The following IFT27 variants were observed in gnomAD, a reference collection of about 807,000 sequenced individuals.
The protein encoded by IFT27 is intraflagellar transport protein 27 homolog.
A neutral mutation model predicts 23.9 loss-of-function variants in IFT27; 19 were observed. That is an observed-to-expected ratio of 0.79 (90% CI 0.55 to 1.16). The LOEUF is 1.16. IFT27 is among the 50% of genes most tolerant of loss of function. IFT27 has a pLI of 0.00. For synonymous variants in IFT27, 91 were observed against 89.1 expected, an observed-to-expected ratio of 1.02 and a Z score of -0.12; for missense variants, 206 against 228.7, an observed-to-expected ratio of 0.90 and a Z score of 0.64.
rs544269644 is a variant in IFT27, at chr22:36,764,187, C to A, written c.235-151G>T. On this transcript the variant is annotated intron_variant, in intron 4 of 6. Transcript: ENST00000433985. Reference sequence around the variant, plus strand: ...CACACCCCCAGATGTCCAACAATTTCCCCAAAGGAATGAACGGAGGGCCAC... The same window carrying A: ...CACACCCCCAGATGTCCAACAATTTACCCAAAGGAATGAACGGAGGGCCAC... 4.5e-6 allele frequency: 3 copies of A among 669,648 alleles called. No individual in the cohort carries two copies. In the East Asian group the frequency reaches 7.5e-5, roughly 17 times the overall value. The allele number at this position is 669,648 out of a possible 1,614,324, so 41.5% of individuals were successfully genotyped here. A position where few individuals can be genotyped will look rare whatever the true frequency, so the allele number is the denominator to read the frequency against.
At chr22:36,765,825 C>T (rs1357427048) in intron 4 of IFT27, among the ~76,000 whole-genome samples, 1 of 152,178 alleles carries the variant, frequency 6.6e-6, no homozygotes, top group African/African-American at 2.4e-5. Flanking sequence ...TAGGGGACAC[C>T]ATCTGAAAGG....
intron 1 of IFT27, among the ~76,000 whole-genome samples, chr22:36,773,048 G>T (rs1428034220): frequency 6.6e-6 from 1 of 152,226 alleles, no homozygotes; most frequent in Non-Finnish European, 1.5e-5. Context: ...ACCCAAGGGA[G>T]TTGGGGGTAA....
chr22:36,762,830 T>C (rs572582154), intron 6 of IFT27, 74 bp downstream of exon 6: 8 of 852,806 alleles, frequency 9.4e-6, no homozygotes, highest in East Asian at 5.6e-5. Flanking sequence ...TCCCTGCACG[T>C]GAGGTCATGT....
rs372969536 is a variant in IFT27 at position 36,766,126 on chromosome 22, C to T, written c.234+12G>A. On this transcript the variant is annotated intron_variant, in intron 4 of 6. Coordinates refer to ENST00000433985, the MANE Select transcript of IFT27 (RefSeq NM_001177701.3). ...GTGGTGACAGTCAGGAAAAAGACCA[C>T]GTGCTACTTGCCAATTTATCCAGCA... The T allele has an allele frequency of 1.3e-4, 202 of 1,611,994 alleles. 2 individuals are homozygous for T. Among genetic ancestry groups the T allele is most frequent in the Non-Finnish European group, 1.5e-4 (178 of 1,178,132 alleles).
chr22:36,774,164 C>T (rs1287672968), intron 1 of IFT27, among the ~76,000 whole-genome samples: 1 of 152,194 alleles, frequency 6.6e-6, no homozygotes, highest in Non-Finnish European at 1.5e-5. Context: ...GGAGATTCTC[C>T]TGAGAACCAT....
At position 36,758,280 on chromosome 22, in the gene IFT27, C is replaced by T. The variant is rs375934694; in HGVS notation, c.*31G>A. The T allele has an allele frequency of 2.1e-5, 32 of 1,509,460 alleles. No homozygotes were observed. In the African/African-American group the frequency reaches 3.8e-4, roughly 18 times the overall value. The allele number at this position is 1,509,460 out of a possible 1,614,324, so 93.5% of individuals were successfully genotyped here. A position where few individuals can be genotyped will look rare whatever the true frequency, so the allele number is the denominator to read the frequency against. ...AAGAGCAGAGGTAATTCTGTCTTCTCCGGTTGTGCAGCACGATCTGCTCCA... is the reference window on the plus strand; with the variant it reads ...AAGAGCAGAGGTAATTCTGTCTTCTTCGGTTGTGCAGCACGATCTGCTCCA... On this transcript the variant is annotated 3_prime_UTR_variant, in exon 7 of 7. Transcript: ENST00000433985.
At position 36,775,781 on chromosome 22, in the gene IFT27, G is replaced by T; in HGVS notation, c.-74C>A. 6.7e-7 allele frequency: 1 copy of T among 1,500,584 alleles called. No homozygotes were observed. Among genetic ancestry groups the T allele is most frequent in the Non-Finnish European group, 9.3e-7 (1 of 1,077,054 alleles). 93.0% of individuals were successfully genotyped at this position (1,500,584 alleles called of 1,614,324 possible). ...TAGAGACGCGAGTGGGTGGGCTTCG[G>T]GCCCTGGGCTGGCCTGGGACGGGAA... On this transcript the variant is annotated 5_prime_UTR_variant, in exon 1 of 7. Coordinates refer to ENST00000433985, the MANE Select transcript of IFT27 (RefSeq NM_001177701.3).
rs1938492280 is a variant in IFT27, at chr22:36,775,955, G to A, written c.-248C>T. The stretch of plus-strand genomic sequence containing the variant: ...TCCAGGTGGGCCCGGCTCGAGGCCT[G>A]ACACGGCAGTCTGAAAAGGTGCAAG... On this transcript the variant is annotated 5_prime_UTR_variant, in exon 1 of 7. Coordinates refer to ENST00000433985, the MANE Select transcript of IFT27 (RefSeq NM_001177701.3). 3.4e-6 allele frequency: 2 copies of A among 592,030 alleles called. No individual in the cohort carries two copies. The highest frequency in any genetic ancestry group is 2.0e-5 in the South Asian group (1 of 50,478). The allele number at this position is 592,030 out of a possible 1,614,324, so 36.7% of individuals were successfully genotyped here.
chr22:36,768,304 C>T lies in IFT27; in HGVS notation c.35-442G>A. 6 of 349,150 alleles carry T rather than the reference C, an allele frequency of 1.7e-5. 1 individual carries two copies. Among genetic ancestry groups the T allele is most frequent in the South Asian group, 1.3e-4 (6 of 45,688 alleles). The allele number at this position is 349,150 out of a possible 1,614,324, so 21.6% of individuals were successfully genotyped here. Reference sequence around the variant, plus strand: ...TGACCCAACCTGGGTTGACAGCTTCCACCTGAATACTTTTTTGTGTGGGGC... The same window carrying T: ...TGACCCAACCTGGGTTGACAGCTTCTACCTGAATACTTTTTTGTGTGGGGC... On this transcript the variant is annotated intron_variant, in intron 1 of 6. Transcript: ENST00000433985.
intron 6 of IFT27, chr22:36,761,935 C>A (rs747289457): frequency 4.6e-5 from 7 of 152,252 alleles, no homozygotes; most frequent in Non-Finnish European, 8.8e-5. Context: ...ATTCTGAGGG[C>A]CACAGAATCA....
At chr22:36,766,863 C>T (rs1938262859) in intron 3 of IFT27, among the ~76,000 whole-genome samples, 1 of 152,146 alleles carries the variant, frequency 6.6e-6, no homozygotes, top group South Asian at 2.1e-4. Flanking sequence ...AACATCAGCA[C>T]CATTGTCTGT....
chr22:36,772,794 G>C, intron 1 of IFT27: 4 of 984,688 alleles, frequency 4.1e-6, no homozygotes, highest in Non-Finnish European at 4.8e-6. Context: ...AAAAAACAGA[G>C]TAACTCAGTT....
Position 36,763,994 on chromosome 22 carries a change from T to G in IFT27, c.277A>C (p.Asn93His), listed in dbSNP as rs1369695528. ...NVLCLVYDVT[N>H]EESFNNCSKW... The stretch of plus-strand genomic sequence containing the variant: ...CTGCAGTTGTTGAAGGATTCTTCAT[T>G]GGTCACATCATAGACGAGACATAAG... Residue 93 changes from asparagine to histidine, a missense_variant, in exon 5 of 7, where the codon AAT becomes CAT. Transcript: ENST00000433985. The G allele has an allele frequency of 6.2e-7, 1 of 1,614,230 alleles. No homozygotes were observed. The highest frequency in any genetic ancestry group is 8.5e-7 in the Non-Finnish European group (1 of 1,180,016).
chr22:36,775,625 C>T, intron 1 of IFT27, 49 bp downstream of exon 1: 1 of 1,602,294 alleles, frequency 6.2e-7, no homozygotes, highest in Non-Finnish European at 8.6e-7. Context: ...ATTATGAAGG[C>T]TCTGGACTCC....
intron 2 of IFT27, 73 bp from the exon 3 acceptor site, chr22:36,767,438 G>A (rs1250269203): frequency 1.7e-5 from 23 of 1,348,234 alleles, no homozygotes; most frequent in Non-Finnish European, 2.2e-5. Context: ...GGACACACAA[G>A]CACCCCGATC....
chr22:36,759,798 G>C (rs1938031926), intron 6 of IFT27: 1 of 152,228 alleles, frequency 6.6e-6, no homozygotes, highest in South Asian at 2.1e-4. Flanking sequence ...TGAGTAGTTT[G>C]GGGCCCAGCG....
In IFT27 at chr22:36,772,400, A is replaced by C. The variant is rs4821522; in HGVS notation, c.34+3274T>G. 4.1e-5 allele frequency: 26 copies of C among 637,262 alleles called. No individual in the cohort carries two copies. In the South Asian group the frequency reaches 1.6e-3, roughly 39 times the overall value. 39.5% of individuals were successfully genotyped at this position (637,262 alleles called of 1,614,324 possible). On this transcript the variant is annotated intron_variant, in intron 1 of 6. Coordinates refer to ENST00000433985, the MANE Select transcript of IFT27 (RefSeq NM_001177701.3). ...CTAAGATAATCATAGCACCTACCCC[A>C]CAGAATTGTTATGAGGATTTAATGA...
chr22:36,763,844 C>T, intron 5 of IFT27, 75 bp downstream of exon 5: 1 of 1,077,738 alleles, frequency 9.3e-7, no homozygotes, highest in Non-Finnish European at 1.4e-6. Flanking sequence ...CCACAGCTAC[C>T]TCTGCAATGC....
intron 5 of IFT27, 140 bp from the exon 6 acceptor site, chr22:36,763,153 A>G: frequency 3.8e-6 from 2 of 528,276 alleles, no homozygotes; most frequent in Non-Finnish European, 6.5e-6. Context: ...GCCCCCCCAC[A>G]GGGAAAGCCG....
Sources: allele counts gnomAD v4.1 joint callset (sites outside exome capture counted in the v4.1 genomes callset), GRCh38; gene constraint gnomAD v4.1.1; transcripts MANE v1.5; gene names NCBI Gene and HGNC (gene_info 2026-07-23, HGNC 2026-07-21).